Variants in AKAP12 observed in about 807,000 individuals in gnomAD.
AKAP12 encodes the protein A-kinase anchor protein 12.
AKAP12 carries 32 observed loss-of-function variants against 79.9 expected under a neutral mutation model. The observed-to-expected ratio is 0.40, with a 90% confidence interval of 0.30 to 0.54. The LOEUF (loss-of-function observed/expected upper bound fraction) is 0.54. Ranked by LOEUF, AKAP12 falls within the 20% of genes least tolerant of loss-of-function variation. The pLI is 0.48. For missense variants in AKAP12, 2,074 were observed against 2,177.0 expected (o/e 0.95, Z 0.94); for synonymous variants, 808 against 857.0 (o/e 0.94, Z 1.00).
At chr6:151,325,589 G>C in intron 3 of AKAP12, 1 of 1,335,510 alleles carries the variant, frequency 7.5e-7, no homozygotes. Context: ...CAAGGGAGGG[G>C]CCAGCGCCAG....
intron 2 of AKAP12, among the ~76,000 whole-genome samples, chr6:151,252,881 A>G (rs1021465724): frequency 3.9e-5 from 6 of 152,172 alleles, no homozygotes; most frequent in African/African-American, 1.4e-4. Context: ...GAGCCTGGTC[A>G]TTGACTGTAT....
At chr6:151,300,087 T>C (rs1776827667) in intron 2 of AKAP12, among the ~76,000 whole-genome samples, 1 of 151,118 alleles carries the variant, frequency 6.6e-6, no homozygotes, top group Non-Finnish European at 1.5e-5. Flanking sequence ...CTGGTTTTTA[T>C]TTTTTTTGTT....
chr6:151,341,679 ACT>A, intron 3 of AKAP12: 1 of 1,205,828 alleles, frequency 8.3e-7, no homozygotes, highest in Non-Finnish European at 1.1e-6. Flanking sequence ...GGTGGAGTAA[ACT>A]CTGCAGTGAG....
chr6:151,323,983 C>G (rs548676108), intron 3 of AKAP12: 20 of 985,366 alleles, frequency 2.0e-5, no homozygotes, highest in Middle Eastern at 5.2e-4. Context: ...CATCCCAAGT[C>G]GTCTTTATCC....
intron 3 of AKAP12, among the ~76,000 whole-genome samples, chr6:151,345,930 T>TGAGAGAGAGA (rs1419080142): frequency 8.3e-5 from 9 of 108,820 alleles, no homozygotes; most frequent in African/African-American, 3.1e-4. Context: ...TGTGTGTGTG[T>TGAGAGAGAGA]GTGAGAGAGA....
At chr6:151,327,835 G>C (rs555561496) in intron 3 of AKAP12, among the ~76,000 whole-genome samples, 8 of 152,242 alleles carry the variant, frequency 5.3e-5, no homozygotes, top group African/African-American at 1.9e-4. Flanking sequence ...CTTTTTCCTG[G>C]TAAGAAGAAA....
intron 3 of AKAP12, among the ~76,000 whole-genome samples, chr6:151,310,422 A>G (rs1048033378): frequency 6.6e-6 from 1 of 152,136 alleles, no homozygotes. Context: ...AAAACATTGT[A>G]TCTTGGGCTG....
intron 3 of AKAP12, chr6:151,326,028 G>T: frequency 8.7e-7 from 1 of 1,147,698 alleles, no homozygotes; most frequent in Non-Finnish European, 1.3e-6. Flanking sequence ...ATTTCTCTCC[G>T]TGTACTGAGT....
intron 3 of AKAP12, among the ~76,000 whole-genome samples, chr6:151,330,298 C>T (rs1442072848): frequency 1.3e-5 from 2 of 152,126 alleles, no homozygotes; most frequent in African/African-American, 4.8e-5. Context: ...TACCCCACCC[C>T]CCAAAAAACA....
intron 2 of AKAP12, among the ~76,000 whole-genome samples, chr6:151,290,015 G>T (rs918531842): frequency 2.0e-5 from 3 of 152,176 alleles, no homozygotes; most frequent in African/African-American, 7.2e-5. Context: ...TGTTTAGAAG[G>T]TAACGCATCC....
At chr6:151,248,948 T>C (rs1247085796) in intron 2 of AKAP12, among the ~76,000 whole-genome samples, 2 of 151,860 alleles carry the variant, frequency 1.3e-5, no homozygotes, top group East Asian at 1.9e-4. Context: ...GACCGCATCA[T>C]TGCACTCCAG....
At chr6:151,325,212 A>G (rs1470139403) in intron 3 of AKAP12, 3 of 985,356 alleles carry the variant, frequency 3.0e-6, no homozygotes, top group Admixed American at 1.2e-4. Context: ...CAAATGCTAC[A>G]GATGCCAAGA....
In AKAP12 at chr6:151,277,710, T is replaced by C. The variant is rs530051147; in HGVS notation, c.163-28037T>C. Among the ~76,000 whole-genome samples the C allele has an allele frequency of 1.4e-4, 21 of 152,350 alleles. 1 individual carries two copies. The South Asian group carries it at 4.1e-3, about 30-fold the overall frequency. Reference sequence around the variant, plus strand: ...AATATAAATCCCATTTTTTATTTAGTTTTTTCTTTTGTTCTTCAACAAATA... The same window carrying C: ...AATATAAATCCCATTTTTTATTTAGCTTTTTCTTTTGTTCTTCAACAAATA... On this transcript the variant is annotated intron_variant, in intron 2 of 4. Transcript: ENST00000402676.
chr6:151,298,549 T>G (rs1776787032), intron 2 of AKAP12, among the ~76,000 whole-genome samples: 1 of 152,108 alleles, frequency 6.6e-6, no homozygotes, highest in East Asian at 1.9e-4. Context: ...ATCCCAACAC[T>G]TTGGGAAGCC....
At chr6:151,312,529 C>T (rs1454006602) in intron 3 of AKAP12, among the ~76,000 whole-genome samples, 6 of 151,964 alleles carry the variant, frequency 3.9e-5, no homozygotes, top group South Asian at 4.2e-4. Flanking sequence ...CGGTGGCTCA[C>T]GCCTGTAATC....
chr6:151,288,942 A>G (rs1562722960), intron 2 of AKAP12, among the ~76,000 whole-genome samples: 1 of 152,190 alleles, frequency 6.6e-6, no homozygotes, highest in Non-Finnish European at 1.5e-5. Context: ...ATAACTTATG[A>G]TTTATAAATG....
intron 3 of AKAP12, among the ~76,000 whole-genome samples, chr6:151,308,773 A>C (rs988720897): frequency 7.2e-5 from 11 of 152,114 alleles, no homozygotes; most frequent in African/African-American, 2.4e-4. Flanking sequence ...GCAGATGATA[A>C]TTAATAGCCT....
Position 151,292,265 on chromosome 6 carries a change from TG to T in AKAP12, c.163-13481del, listed in dbSNP as rs1562724301. ...TGAAAAGGAGACAAGCAATTTTGCT[TG>T]TTCTTTTTCTCTTTCAGTCGAATGG... On this transcript the variant is annotated intron_variant, in intron 2 of 4. Transcript: ENST00000402676. Among the ~76,000 whole-genome samples the T allele has an allele frequency of 2.0e-5, 3 of 152,282 alleles. No individual in the cohort carries two copies. The East Asian group carries it at 5.8e-4, about 29-fold the overall frequency.
chr6:151,276,622 C>A (rs574214847), intron 2 of AKAP12, among the ~76,000 whole-genome samples: 2 of 152,368 alleles, frequency 1.3e-5, no homozygotes, highest in South Asian at 4.1e-4. Context: ...GTGGACGGAG[C>A]CTCCCTGAGC....
Sources: gnomAD v4.1 joint callset for allele counts (sites outside exome capture counted in the v4.1 genomes callset) on GRCh38, gnomAD v4.1.1 for gene constraint, MANE v1.5 for transcripts, NCBI Gene and HGNC (gene_info 2026-07-23, HGNC 2026-07-21) for gene names.